SURF4: variants seen among roughly 807,000 people sequenced by gnomAD.
SURF4 encodes the protein surfeit locus protein 4.
Under a neutral mutation model 30.0 loss-of-function variants are expected in SURF4, and 3 were observed. That is an observed-to-expected ratio of 0.10 (90% CI 0.05 to 0.26). SURF4 has a LOEUF of 0.26. Among genes scored for constraint, SURF4 ranks in the 10% least tolerant of loss-of-function variants. The pLI is 1.00. For missense variants in SURF4, 217 were observed against 350.8 expected (o/e 0.62, Z 3.05); for synonymous variants, 143 against 139.9 (o/e 1.02, Z -0.16).
rs2130069845 is a variant in SURF4 at position 133,362,032 on chromosome 9, G to A, written c.*1461C>T. On this transcript the variant is annotated 3_prime_UTR_variant, in exon 6 of 6. Transcript: ENST00000371989. ...CGGGGGTAAGGAAGTAGGCTACCAG[G>A]GGAATATTTGCAAACGCGTTGGGAC... 1 of 152,240 alleles carries A rather than the reference G, an allele frequency of 6.6e-6. No homozygotes were observed. The highest frequency in any genetic ancestry group is 1.5e-5 in the Non-Finnish European group (1 of 68,050). 9.4% of individuals were successfully genotyped at this position (152,240 alleles called of 1,614,324 possible). A position where few individuals can be genotyped will look rare whatever the true frequency, so the allele number is the denominator to read the frequency against.
In SURF4 at chr9:133,363,730, C is replaced by A. The variant is rs2130091462; in HGVS notation, c.573G>T (p.Leu191=). Residue 191 remains leucine, a synonymous_variant, in exon 6 of 6, where the codon CTG becomes CTT. Coordinates refer to ENST00000371989, the MANE Select transcript of SURF4 (RefSeq NM_033161.4). This position sits in a 1 kb window ranked among gnomAD's most constrained non-coding sequence, Gnocchi z 4.3. ...TAAAACCAATGGCCACTAAAATCAT[C>A]AGAGCTGTGCCCACGATGTTCTGGA... ...SIVQNIVGTA[L]MILVAIGFKT... is the part of the protein sequence containing the mutation. The A allele has an allele frequency of 6.2e-7, 1 of 1,614,230 alleles. No individual in the cohort carries two copies. Among genetic ancestry groups the A allele is most frequent in the Non-Finnish European group, 8.5e-7 (1 of 1,180,058 alleles).
chr9:133,373,909 C>CAAAAAA (rs2130215856), intron 1 of SURF4, among the ~76,000 whole-genome samples: 3,705 of 47,332 alleles, frequency 0.078, 413 homozygotes, highest in Non-Finnish European at 0.12. Flanking sequence ...AATTCTGTCT[C>CAAAAAA]AAAAAAAAAA....
Position 133,363,990 on chromosome 9 carries a change from CTAG to C in SURF4, c.544-234_544-232del. On this transcript the variant is annotated intron_variant, in intron 5 of 5. Coordinates refer to ENST00000371989, the MANE Select transcript of SURF4 (RefSeq NM_033161.4). The surrounding 1 kb of genome is among the most constrained non-coding windows in gnomAD (Gnocchi z 4.3). ...GTTTGGGGAAGACTGAAGTTCCCAACTAGTAACAGGCTGTGATTTACCAAGATG... is the reference window on the plus strand; with the variant it reads ...GTTTGGGGAAGACTGAAGTTCCCAACTAACAGGCTGTGATTTACCAAGATG... The C allele has an allele frequency of 1.4e-6, 1 of 710,904 alleles. No homozygotes were observed. The highest frequency in any genetic ancestry group is 2.6e-6 in the Non-Finnish European group (1 of 384,308). The allele number at this position is 710,904 out of a possible 1,614,324, so 44.0% of individuals were successfully genotyped here. A position where few individuals can be genotyped will look rare whatever the true frequency, so the allele number is the denominator to read the frequency against.
chr9:133,372,807 G>A (rs2130200346), intron 1 of SURF4, among the ~76,000 whole-genome samples: 2 of 152,198 alleles, frequency 1.3e-5, no homozygotes, highest in Admixed American at 6.5e-5. Flanking sequence ...CCCCACCTGG[G>A]CTTGGTCAGA....
In SURF4 at chr9:133,368,218, C is replaced by T. The variant is rs2130155253; in HGVS notation, c.49-773G>A. ...CTGGACCTCCCAGCCTGCCCAGTGA[C>T]GCCCAGAGTACCCTGACAGAACAAG... On this transcript the variant is annotated intron_variant, in intron 1 of 5. Coordinates refer to ENST00000371989, the MANE Select transcript of SURF4 (RefSeq NM_033161.4). 2.2e-3 allele frequency among the ~76,000 whole-genome samples: 337 copies of T among 152,362 alleles called. 2 individuals are homozygous for T. Among genetic ancestry groups the T allele is most frequent in the African/African-American group, 7.9e-3 (330 of 41,586 alleles).
chr9:133,371,273 C>A, intron 1 of SURF4: 1 of 288,060 alleles, frequency 3.5e-6, no homozygotes, highest in Non-Finnish European at 5.2e-6. Context: ...AACTCAGGTC[C>A]CACACATCCT....
chr9:133,366,874 GAA>G (rs1327613091), intron 2 of SURF4, among the ~76,000 whole-genome samples, 199 bp from the exon 3 acceptor site: 2 of 152,298 alleles, frequency 1.3e-5, no homozygotes, highest in East Asian at 1.9e-4. Context: ...ACAAACACCA[GAA>G]AGTGGAGCCC....
In SURF4 at chr9:133,367,399, CAG is replaced by C; in HGVS notation, c.93_94del (p.Cys32SerfsTer105). On this transcript the variant is annotated frameshift_variant, in exon 2 of 6. Transcript: ENST00000371989. LOFTEE classifies it high-confidence loss of function. Reference sequence around the variant, plus strand: ...GTCCTCCAGGAAGGTGCTGATCAGACAGAGGCGCGCCACGTGGGGCAGGTACT... The same window carrying C: ...GTCCTCCAGGAAGGTGCTGATCAGACAGGCGCGCCACGTGGGGCAGGTACT... The C allele has an allele frequency of 6.2e-7, 1 of 1,614,162 alleles. No individual in the cohort carries two copies. Among genetic ancestry groups the C allele is most frequent in the Non-Finnish European group, 8.5e-7 (1 of 1,180,058 alleles).
rs1334163681 is a variant in SURF4, at chr9:133,362,336, G to A, written c.*1157C>T. The A allele has an allele frequency of 1.3e-5, 2 of 152,642 alleles. No individual in the cohort carries two copies. Among genetic ancestry groups the A allele is most frequent in the African/African-American group, 4.8e-5 (2 of 41,454 alleles). The allele number at this position is 152,642 out of a possible 1,614,324, so 9.5% of individuals were successfully genotyped here. On this transcript the variant is annotated 3_prime_UTR_variant, in exon 6 of 6. Coordinates refer to ENST00000371989, the MANE Select transcript of SURF4 (RefSeq NM_033161.4). ...CCCAAAAAGAGAAACACAGTATAAG[G>A]CAGTGTTAGAAAACTTTAAATACAG...
intron 5 of SURF4, 92 bp downstream of exon 5, chr9:133,364,748 T>C (rs1381922154): frequency 2.6e-6 from 3 of 1,156,462 alleles, no homozygotes; most frequent in Non-Finnish European, 3.6e-6. Flanking sequence ...CTGTGGTTAA[T>C]ACCCAACCAG....
At chr9:133,371,070 G>A in intron 1 of SURF4, 1 of 1,235,348 alleles carries the variant, frequency 8.1e-7, no homozygotes, top group Non-Finnish European at 1.0e-6. Context: ...GACTTCCTGG[G>A]CATCCAGTGA....
At chr9:133,370,480 C>T (rs1370756747) in intron 1 of SURF4, among the ~76,000 whole-genome samples, 1 of 152,218 alleles carries the variant, frequency 6.6e-6, no homozygotes, top group African/African-American at 2.4e-5. Context: ...TAATGAGCAT[C>T]TGTTTGGACT....
chr9:133,376,054 A>G lies in SURF4; in HGVS notation c.-85T>C, dbSNP rs1564371547. On this transcript the variant is annotated 5_prime_UTR_variant, in exon 1 of 6. Coordinates refer to ENST00000371989, the MANE Select transcript of SURF4 (RefSeq NM_033161.4). ...CGCCCGCACCCGCTGCGGCCTCCACAGGAAGTGCCCGGCGGCCGGCCTCGC... is the reference window on the plus strand; with the variant it reads ...CGCCCGCACCCGCTGCGGCCTCCACGGGAAGTGCCCGGCGGCCGGCCTCGC... 1.3e-5 allele frequency: 16 copies of G among 1,200,306 alleles called. No individual in the cohort carries two copies. The highest frequency in any genetic ancestry group is 1.7e-5 in the Non-Finnish European group (16 of 967,680). 74.4% of individuals were successfully genotyped at this position (1,200,306 alleles called of 1,614,324 possible). A position where few individuals can be genotyped will look rare whatever the true frequency, so the allele number is the denominator to read the frequency against.
chr9:133,376,201 C>A (rs1695902845), upstream of SURF4: 1 of 1,275,158 alleles, frequency 7.8e-7, no homozygotes, highest in Non-Finnish European at 9.8e-7. Context: ...CCTCCCGACC[C>A]ATCCGCTCGA....
chr9:133,367,513 G>A (rs2130144307), intron 1 of SURF4, 68 bp from the exon 2 acceptor site: 9 of 1,599,428 alleles, frequency 5.6e-6, no homozygotes, highest in Admixed American at 5.0e-5. Context: ...TGCCAGGCAC[G>A]TCCTTGGGCG....
At chr9:133,365,140 C>T (rs2130114273) in intron 4 of SURF4, 114 bp from the exon 5 acceptor site, 46 of 1,010,680 alleles carry the variant, frequency 4.6e-5, no homozygotes, top group Non-Finnish European at 6.0e-5. Flanking sequence ...ACTTCCCTTT[C>T]TCCAAACCCA....
rs1391342865 is a variant in SURF4, at chr9:133,363,479, G to C, written c.*14C>G. On this transcript the variant is annotated 3_prime_UTR_variant, in exon 6 of 6. Coordinates refer to ENST00000371989, the MANE Select transcript of SURF4 (RefSeq NM_033161.4). This position sits in a 1 kb window ranked among gnomAD's most constrained non-coding sequence, Gnocchi z 4.3. Reference sequence around the variant, plus strand: ...GCCACGGGTCTTAGCCAGGCAGGTAGGGATCTGTGACTGTTACCACTCCTT... The same window carrying C: ...GCCACGGGTCTTAGCCAGGCAGGTACGGATCTGTGACTGTTACCACTCCTT... The C allele has an allele frequency of 6.2e-7, 1 of 1,614,218 alleles. No homozygotes were observed. The highest frequency in any genetic ancestry group is 1.7e-5 in the Admixed American group (1 of 60,022).
chr9:133,364,963 G>T lies in SURF4; in HGVS notation c.420C>A (p.Ser140Arg), dbSNP rs1837080431. 6.2e-7 allele frequency: 1 copy of T among 1,611,932 alleles called. No homozygotes were observed. Among genetic ancestry groups the T allele is most frequent in the African/African-American group, 1.3e-5 (1 of 74,890 alleles). Residue 140 changes from serine to arginine, a missense_variant, in exon 5 of 6, where the codon AGC (serine) becomes AGA (arginine). Transcript: ENST00000371989. ...LLAESRSEGK[S>R]MFAGVPTMRE... ...GCATGGTGGGGACGCCCGCAAACAT[G>T]CTCTTCCCTTCAGAACGGGATTCTG...
chr9:133,373,793 G>A (rs2130213711), intron 1 of SURF4, among the ~76,000 whole-genome samples: 10 of 148,818 alleles, frequency 6.7e-5, no homozygotes, highest in South Asian at 2.1e-4. Flanking sequence ...GGTGGCAGGC[G>A]CCTGTAATCC....
Sources: allele counts gnomAD v4.1 joint callset (sites outside exome capture counted in the v4.1 genomes callset), GRCh38; gene constraint gnomAD v4.1.1; non-coding constraint Gnocchi (gnomAD v3.1); transcripts MANE v1.5; gene names NCBI Gene and HGNC (gene_info 2026-07-23, HGNC 2026-07-21).